The following DLGAP2 variants were observed in gnomAD, a reference collection of about 807,000 sequenced individuals.
DLGAP2 encodes the protein DLG associated protein 2, also known as disks large-associated protein 2.
DLGAP2 carries 26 observed loss-of-function variants against 100.3 expected under a neutral mutation model. The ratio of observed to expected loss-of-function variants is 0.26; its 90% CI spans 0.19 to 0.36. DLGAP2 has a LOEUF of 0.36. Among genes scored for constraint, DLGAP2 ranks in the 10% least tolerant of loss-of-function variants. The pLI is 1.00. For missense variants in DLGAP2, 1,858 were observed against 1,453.2 expected, an observed-to-expected ratio of 1.28 and a Z score of -4.53; for synonymous variants, 886 against 630.1, an observed-to-expected ratio of 1.41 and a Z score of -6.08.
intron 1 of DLGAP2, among the ~76,000 whole-genome samples, chr8:901,479 G>A (rs1798250179): frequency 6.6e-6 from 1 of 152,242 alleles, no homozygotes. Flanking sequence ...TTGGTAGAGA[G>A]GATTGACCCT....
chr8:907,763 T>A, intron 1 of DLGAP2, 149 bp from the exon 2 acceptor site: 1 of 390,472 alleles, frequency 2.6e-6, no homozygotes, highest in African/African-American at 2.1e-5. Context: ...GATTTTTCTG[T>A]ACCGTTTAAT....
At chr8:1,090,581 G>A (rs927120746) in intron 2 of DLGAP2, among the ~76,000 whole-genome samples, 13 of 152,240 alleles carry the variant, frequency 8.5e-5, no homozygotes, top group Admixed American at 1.3e-4. Context: ...GTCCTGTGGG[G>A]AGAGTGGCAG....
At chr8:1,110,259 G>T (rs1303104644) in intron 2 of DLGAP2, among the ~76,000 whole-genome samples, 2 of 139,278 alleles carry the variant, frequency 1.4e-5, no homozygotes, top group African/African-American at 5.5e-5. Flanking sequence ...GTGTGCACGG[G>T]TCTGTGACAT....
intron 2 of DLGAP2, among the ~76,000 whole-genome samples, chr8:1,079,742 G>C (rs531323546): frequency 5.3e-5 from 8 of 152,296 alleles, no homozygotes; most frequent in Non-Finnish European, 1.2e-4. Context: ...GACATAAATA[G>C]CAGCAATCCA....
chr8:1,150,970 A>G (rs1796687126), intron 2 of DLGAP2, among the ~76,000 whole-genome samples: 1 of 152,176 alleles, frequency 6.6e-6, no homozygotes, highest in Admixed American at 6.5e-5. Context: ...TGTTTTTTGT[A>G]TGTTTGCAGG....
intron 3 of DLGAP2, among the ~76,000 whole-genome samples, chr8:1,345,996 AC>A (rs1801545843): frequency 6.6e-6 from 1 of 152,216 alleles, no homozygotes. Flanking sequence ...AGACTCTGGC[AC>A]CAGCTCCTGT....
chr8:1,636,408 A>ACTTGTCTCTCAAGG (rs1797767010), intron 8 of DLGAP2, among the ~76,000 whole-genome samples: 1 of 152,234 alleles, frequency 6.6e-6, no homozygotes, highest in Admixed American at 6.5e-5. Context: ...AAGGGTACAT[A>ACTTGTCTCTCAAGG]GTAATTCCAT....
chr8:1,192,034 A>G (rs1284147745), intron 2 of DLGAP2, among the ~76,000 whole-genome samples: 1 of 152,208 alleles, frequency 6.6e-6, no homozygotes, highest in Non-Finnish European at 1.5e-5. Flanking sequence ...ATGACTGGAC[A>G]TTCGTAGCCG....
At chr8:1,445,840 G>T (rs1261751909) in intron 3 of DLGAP2, among the ~76,000 whole-genome samples, 1 of 152,238 alleles carries the variant, frequency 6.6e-6, no homozygotes, top group Non-Finnish European at 1.5e-5. Flanking sequence ...CTGATGGCCA[G>T]TGATGATGAG....
At chr8:1,182,884 G>A (rs1218396707) in intron 2 of DLGAP2, among the ~76,000 whole-genome samples, 2 of 152,178 alleles carry the variant, frequency 1.3e-5, no homozygotes, top group South Asian at 2.1e-4. Flanking sequence ...GAGGTGGAGC[G>A]GGGCTCAGGG....
At chr8:1,624,373 T>G (rs1306992074) in intron 6 of DLGAP2, among the ~76,000 whole-genome samples, 1 of 151,972 alleles carries the variant, frequency 6.6e-6, no homozygotes, top group East Asian at 1.9e-4. Flanking sequence ...GCTCTTGGCA[T>G]CCACCTGAGG....
At chr8:999,853 T>A (rs565899661) in intron 2 of DLGAP2, among the ~76,000 whole-genome samples, 9 of 152,248 alleles carry the variant, frequency 5.9e-5, no homozygotes, top group Non-Finnish European at 1.3e-4. Context: ...ATTATCTCAT[T>A]TTCAAGTTCT....
Position 1,701,934 on chromosome 8 carries a change from C to T in DLGAP2, c.*528C>T, listed in dbSNP as rs1799584430. 6.6e-6 allele frequency: 1 copy of T among 152,506 alleles called. No homozygotes were observed. The allele number at this position is 152,506 out of a possible 1,614,324, so 9.4% of individuals were successfully genotyped here. ...TTTACTCCCTGAGCACGGGCCGCTCCGCTCCCCTGCTCCTGTCTGTCTCGG... is the reference window on the plus strand; with the variant it reads ...TTTACTCCCTGAGCACGGGCCGCTCTGCTCCCCTGCTCCTGTCTGTCTCGG... On this transcript the variant is annotated 3_prime_UTR_variant, in exon 15 of 15. Transcript: ENST00000637795.
chr8:1,310,794 A>T (rs1800595515), intron 3 of DLGAP2, among the ~76,000 whole-genome samples: 1 of 152,118 alleles, frequency 6.6e-6, no homozygotes, highest in African/African-American at 2.4e-5. Context: ...AGTAGCTGGG[A>T]TTACAGGCAC....
At chr8:1,025,755 G>C (rs1801779437) in intron 2 of DLGAP2, among the ~76,000 whole-genome samples, 1 of 152,170 alleles carries the variant, frequency 6.6e-6, no homozygotes, top group Non-Finnish European at 1.5e-5. Context: ...AGGCAGGGAG[G>C]GACCAGCCTA....
intron 3 of DLGAP2, among the ~76,000 whole-genome samples, chr8:1,368,323 G>T (rs924121313): frequency 1.3e-5 from 2 of 151,724 alleles, no homozygotes; most frequent in African/African-American, 2.4e-5. Flanking sequence ...AGCTGTGTGT[G>T]TGCATGCATG....
intron 2 of DLGAP2, among the ~76,000 whole-genome samples, chr8:1,095,097 C>A (rs1269640905): frequency 7.1e-6 from 1 of 141,170 alleles, no homozygotes; most frequent in Non-Finnish European, 1.5e-5. Context: ...CAGCCTGGGG[C>A]AGCAGCCTGC....
chr8:1,503,956 A>T (rs746323052), intron 4 of DLGAP2, among the ~76,000 whole-genome samples: 36 of 152,198 alleles, frequency 2.4e-4, no homozygotes, highest in Non-Finnish European at 3.1e-4. Context: ...TGAAGCAGCC[A>T]GGTGCAGGCA....
At chr8:1,644,355 C>T (rs1257332443) in intron 8 of DLGAP2, among the ~76,000 whole-genome samples, 10 of 152,222 alleles carry the variant, frequency 6.6e-5, no homozygotes, top group Admixed American at 6.5e-4. Context: ...ACCCCAGTGA[C>T]CCGGCCCCAC....
Sources: allele counts gnomAD v4.1 joint callset (sites outside exome capture counted in the v4.1 genomes callset), GRCh38; gene constraint gnomAD v4.1.1; transcripts MANE v1.5; gene names NCBI Gene and HGNC (gene_info 2026-07-23, HGNC 2026-07-21).